CRHBP: variants seen among roughly 807,000 people sequenced by gnomAD.
The protein encoded by CRHBP is corticotropin releasing hormone binding protein, also known as corticotropin-releasing hormone-binding protein.
CRHBP carries 19 observed loss-of-function variants against 34.9 expected under a neutral mutation model. The ratio of observed to expected loss-of-function variants is 0.55; its 90% CI spans 0.38 to 0.80. The LOEUF (loss-of-function observed/expected upper bound fraction) is 0.80. CRHBP is among the 30% of genes least tolerant of loss of function. CRHBP has a pLI of 0.00. For synonymous variants in CRHBP, 154 were observed against 153.4 expected (o/e 1.00, Z -0.03); for missense variants, 328 against 409.2 (o/e 0.80, Z 1.71).
chr5:76,980,491 G>T (rs559181769), intron 3 of CRHBP, among the ~76,000 whole-genome samples: 1 of 152,236 alleles, frequency 6.6e-6, no homozygotes, highest in South Asian at 2.1e-4. Context: ...TAGAGTATTT[G>T]TCTGAAGATT....
chr5:76,959,967 T>A (rs1349331546), intron 5 of CRHBP, among the ~76,000 whole-genome samples: 1 of 152,214 alleles, frequency 6.6e-6, no homozygotes, highest in Admixed American at 6.5e-5. Flanking sequence ...AGGCATCTGT[T>A]CCTTCACAAA....
At chr5:76,968,649 T>A in intron 6 of CRHBP, 79 bp from the exon 7 acceptor site, 1 of 1,453,600 alleles carries the variant, frequency 6.9e-7, no homozygotes, top group Non-Finnish European at 9.3e-7. Flanking sequence ...TCATTATGTT[T>A]AAGTGATCCC....
chr5:76,968,983 C>T lies in CRHBP; in HGVS notation c.*98C>T. On this transcript the variant is annotated 3_prime_UTR_variant, in exon 7 of 7. Transcript: ENST00000274368. ...ACAACTAGTTAAAAGCCTTTCATACCAGTCAGTATTCCCAGCCTTGAGCGC... is the reference window on the plus strand; with the variant it reads ...ACAACTAGTTAAAAGCCTTTCATACTAGTCAGTATTCCCAGCCTTGAGCGC... 1 of 1,403,396 alleles carries T rather than the reference C, an allele frequency of 7.1e-7. No individual in the cohort carries two copies. The highest frequency in any genetic ancestry group is 9.8e-7 in the Non-Finnish European group (1 of 1,021,866). 86.9% of individuals were successfully genotyped at this position (1,403,396 alleles called of 1,614,324 possible).
chr5:76,975,768 C>A lies in CRHBP; in HGVS notation n.312-597C>A, dbSNP rs1445539944. Among the ~76,000 whole-genome samples, 3 of 134,476 alleles carry A rather than the reference C, an allele frequency of 2.2e-5. No homozygotes were observed. In the South Asian group the frequency reaches 7.2e-4, roughly 32 times the overall value. The allele number at this position is 134,476 out of a possible 152,430, so 88.2% of individuals were successfully genotyped here. ...GCAGTCAGCCGAGATCACACCACTGCACTCCAGCCTGGGCAACAGAGCGAG... is the reference window on the plus strand; with the variant it reads ...GCAGTCAGCCGAGATCACACCACTGAACTCCAGCCTGGGCAACAGAGCGAG... On this transcript the variant is annotated intron_variant and non_coding_transcript_variant, in intron 2 of 3. Transcript: ENST00000514258.
chr5:76,973,856 G>A (rs1745981947), downstream of CRHBP, among the ~76,000 whole-genome samples: 1 of 151,926 alleles, frequency 6.6e-6, no homozygotes, highest in Non-Finnish European at 1.5e-5. Context: ...TCAGCCTGGA[G>A]TGTAGGGCGC....
downstream of CRHBP, among the ~76,000 whole-genome samples, chr5:76,973,943 A>G (rs1350954957): frequency 6.6e-6 from 1 of 151,916 alleles, no homozygotes; most frequent in Non-Finnish European, 1.5e-5. Flanking sequence ...AGCTGGGATT[A>G]CAGGCACGTG....
Position 76,975,803 on chromosome 5 carries a change from CAAAAAAAAAAAAA to C in CRHBP, n.312-551_312-539del, listed in dbSNP as rs1158363151. Among the ~76,000 whole-genome samples, 37 of 35,226 alleles carry C rather than the reference CAAAAAAAAAAAAA, an allele frequency of 1.1e-3. 1 individual carries two copies. Among genetic ancestry groups the C allele is most frequent in the African/African-American group, 4.6e-3 (36 of 7,792 alleles). The allele number at this position is 35,226 out of a possible 152,430, so 23.1% of individuals were successfully genotyped here. On this transcript the variant is annotated intron_variant and non_coding_transcript_variant, in intron 2 of 3. Transcript: ENST00000514258. The stretch of plus-strand genomic sequence containing the variant: ...TGGGCAACAGAGCGAGACTCTGTCT[CAAAAAAAAAAAAA>C]AAAAAAAAAATATATATATATATAT...
At chr5:76,975,861 T>TAC (rs10683419) in intron 2 of CRHBP, among the ~76,000 whole-genome samples, 14,776 of 102,324 alleles carry the variant, frequency 0.14, 1,401 homozygotes, top group East Asian at 0.26. Flanking sequence ...CATATATATA[T>TAC]ACACACACAT....
intron 5 of CRHBP, chr5:76,963,091 TA>T (rs544946133): frequency 5.9e-4 from 239 of 402,914 alleles, no homozygotes; most frequent in Admixed American, 1.5e-3. Context: ...TCCTTGAGCT[TA>T]AAAAAAATGA....
At chr5:76,972,298 G>A (rs1413067353), downstream of CRHBP, among the ~76,000 whole-genome samples, 4 of 152,030 alleles carry the variant, frequency 2.6e-5, no homozygotes, top group South Asian at 2.1e-4. Context: ...TTGGGAGTTC[G>A]AGATCAGCCT....
chr5:76,970,831 C>T (rs527554285), downstream of CRHBP, among the ~76,000 whole-genome samples: 8 of 152,286 alleles, frequency 5.3e-5, no homozygotes, highest in African/African-American at 1.9e-4. Context: ...AGCTGATTAG[C>T]CTCTCTGCAG....
At chr5:76,959,069 T>C (rs940394481) in intron 5 of CRHBP, 180 bp downstream of exon 5, 1 of 556,454 alleles carries the variant, frequency 1.8e-6, no homozygotes, top group Non-Finnish European at 3.0e-6. Flanking sequence ...TCTATTTCAG[T>C]TATGCGGCAA....
At position 76,969,087 on chromosome 5, in the gene CRHBP, T is replaced by C; in HGVS notation, c.*202T>C. 2.0e-6 allele frequency: 1 copy of C among 488,392 alleles called. No individual in the cohort carries two copies. The highest frequency in any genetic ancestry group is 3.5e-5 in the East Asian group (1 of 28,930). 30.3% of individuals were successfully genotyped at this position (488,392 alleles called of 1,614,324 possible). A position where few individuals can be genotyped will look rare whatever the true frequency, so the allele number is the denominator to read the frequency against. ...TTCTTTTATGTTTGTAATCTGTAAATGAACACATGGCAGAAAATAACCCCT... is the reference window on the plus strand; with the variant it reads ...TTCTTTTATGTTTGTAATCTGTAAACGAACACATGGCAGAAAATAACCCCT... On this transcript the variant is annotated 3_prime_UTR_variant, in exon 7 of 7. Transcript: ENST00000274368.
At chr5:76,971,468 C>T (rs72763262), downstream of CRHBP, among the ~76,000 whole-genome samples, 7 of 152,172 alleles carry the variant, frequency 4.6e-5, no homozygotes, top group African/African-American at 9.6e-5. Flanking sequence ...TTGCTTTGTA[C>T]GCTGAAGGAT....
chr5:76,964,117 C>T (rs187417066), intron 6 of CRHBP, among the ~76,000 whole-genome samples: 1 of 152,080 alleles, frequency 6.6e-6, no homozygotes, highest in African/African-American at 2.4e-5. Flanking sequence ...TTTTTATGCT[C>T]ATGTCAGGTG....
chr5:76,966,529 T>C (rs1745863123), intron 6 of CRHBP, among the ~76,000 whole-genome samples: 1 of 152,064 alleles, frequency 6.6e-6, no homozygotes, highest in Non-Finnish European at 1.5e-5. Flanking sequence ...TTGGGGGAGA[T>C]GCGGTTTTTC....
At chr5:76,980,745 C>T (rs1425709371) in intron 3 of CRHBP, among the ~76,000 whole-genome samples, 6 of 152,162 alleles carry the variant, frequency 3.9e-5, no homozygotes, top group South Asian at 4.1e-4. Context: ...TGGAAAAAGA[C>T]GGAGTTTCCC....
intron 2 of CRHBP, among the ~76,000 whole-genome samples, chr5:76,976,025 T>C (rs1192417626): frequency 6.6e-6 from 1 of 150,958 alleles, no homozygotes; most frequent in African/African-American, 2.4e-5. Context: ...CTCTGCCTTC[T>C]GCTCAGCAAA....
chr5:76,960,641 T>C (rs1453220083), intron 5 of CRHBP, among the ~76,000 whole-genome samples: 1 of 152,222 alleles, frequency 6.6e-6, no homozygotes, highest in Non-Finnish European at 1.5e-5. Flanking sequence ...CAGATTTCTA[T>C]GTATTGGAAG....
Sources: gnomAD v4.1 joint callset for allele counts (sites outside exome capture counted in the v4.1 genomes callset) on GRCh38, gnomAD v4.1.1 for gene constraint, MANE v1.5 for transcripts, NCBI Gene and HGNC (gene_info 2026-07-23, HGNC 2026-07-21) for gene names.